The following PGPEP1 variants were observed in gnomAD, a reference collection of about 807,000 sequenced individuals.
PGPEP1 encodes the protein pyroglutamyl-peptidase I.
PGPEP1 carries 15 observed loss-of-function variants against 24.1 expected under a neutral mutation model. The ratio of observed to expected loss-of-function variants is 0.62; its 90% CI spans 0.42 to 0.96. PGPEP1 has a LOEUF of 0.96. Among genes scored for constraint, PGPEP1 ranks in the 40% least tolerant of loss-of-function variants. PGPEP1 has a pLI of 0.00. For missense variants in PGPEP1, 242 were observed against 273.4 expected (o/e 0.89, Z 0.81); for synonymous variants, 122 against 116.4 (o/e 1.05, Z -0.31).
In PGPEP1 at chr19:18,366,155, C is replaced by T. The variant is rs1418300801; in HGVS notation, c.*2572C>T. The T allele has an allele frequency of 6.6e-6, 1 of 152,176 alleles. No homozygotes were observed. 9.4% of individuals were successfully genotyped at this position (152,176 alleles called of 1,614,324 possible). On this transcript the variant is annotated 3_prime_UTR_variant, in exon 5 of 5. Coordinates refer to ENST00000269919, the MANE Select transcript of PGPEP1 (RefSeq NM_017712.4). ...ATTCCTCAAAGGTCTGGTCTGTGGG[C>T]CTCTGAGGAGAAAACAGGTCTAGCC...
intron 4 of PGPEP1, among the ~76,000 whole-genome samples, chr19:18,359,906 C>T (rs1971294447): frequency 6.6e-6 from 1 of 152,202 alleles, no homozygotes; most frequent in Non-Finnish European, 1.5e-5. Flanking sequence ...CCAGCACCAG[C>T]TTCCTCACTT....
At chr19:18,352,705 A>C (rs1971072661) in intron 2 of PGPEP1, among the ~76,000 whole-genome samples, 1 of 150,628 alleles carries the variant, frequency 6.6e-6, no homozygotes, top group African/African-American at 2.4e-5. Context: ...ACAGGTGCGC[A>C]CCATCACGCC....
intron 2 of PGPEP1, among the ~76,000 whole-genome samples, chr19:18,349,474 A>T (rs1202507724): frequency 6.6e-6 from 1 of 152,108 alleles, no homozygotes; most frequent in Non-Finnish European, 1.5e-5. Context: ...ATTTTTCTGA[A>T]TACAGCTTTC....
intron 4 of PGPEP1, chr19:18,357,991 T>G (rs1441675998): frequency 3.7e-6 from 1 of 272,544 alleles, no homozygotes; most frequent in African/African-American, 2.2e-5. Flanking sequence ...ATAACAGAAA[T>G]GTATTGTCTA....
Position 18,368,304 on chromosome 19 carries a change from T to G in PGPEP1, c.*4721T>G, listed in dbSNP as rs1971611452. Reference sequence around the variant, plus strand: ...AATACAAAAATTAGTCAAGAGTGGATGGTGCGTGCCTGTAATCCCAGCTAC... The same window carrying G: ...AATACAAAAATTAGTCAAGAGTGGAGGGTGCGTGCCTGTAATCCCAGCTAC... On this transcript the variant is annotated 3_prime_UTR_variant, in exon 5 of 5. Transcript: ENST00000269919. The G allele has an allele frequency of 6.6e-6, 1 of 151,970 alleles. No individual in the cohort carries two copies. Among genetic ancestry groups the G allele is most frequent in the Non-Finnish European group, 1.5e-5 (1 of 68,058 alleles). The allele number at this position is 151,970 out of a possible 1,614,324, so 9.4% of individuals were successfully genotyped here.
intron 4 of PGPEP1, 110 bp from the exon 5 acceptor site, chr19:18,363,281 G>A: frequency 1.3e-6 from 1 of 781,180 alleles, no homozygotes; most frequent in South Asian, 1.9e-5. Flanking sequence ...CTTGTGGGTT[G>A]CTGGTAAGGT....
chr19:18,355,834 A>T, intron 2 of PGPEP1, 61 bp from the exon 3 acceptor site: 1 of 1,014,760 alleles, frequency 9.9e-7, no homozygotes, highest in Non-Finnish European at 1.6e-6. Context: ...CCCCCCAGAG[A>T]GCGCATTATC....
chr19:18,352,212 C>A lies in PGPEP1; in HGVS notation c.88-3683C>A, dbSNP rs540062568. On this transcript the variant is annotated intron_variant, in intron 2 of 4. Coordinates refer to ENST00000269919, the MANE Select transcript of PGPEP1 (RefSeq NM_017712.4). ...GCGTGAACCCGGGAGGCGGAGCTTGCAGTGAGCCAAGATTGCGGCACGCCA... is the reference window on the plus strand; with the variant it reads ...GCGTGAACCCGGGAGGCGGAGCTTGAAGTGAGCCAAGATTGCGGCACGCCA... 1.5e-4 allele frequency among the ~76,000 whole-genome samples: 20 copies of A among 134,996 alleles called. No homozygotes were observed. The Admixed American group carries it at 1.5e-3, about 10-fold the overall frequency. 88.6% of individuals were successfully genotyped at this position (134,996 alleles called of 152,430 possible).
intron 4 of PGPEP1, chr19:18,358,065 C>T (rs1382062431): frequency 4.9e-6 from 1 of 203,400 alleles, no homozygotes; most frequent in Admixed American, 5.3e-5. Context: ...TCTGGAGGTG[C>T]TGAGGGTGAG....
Position 18,341,195 on chromosome 19 carries a change from C to T in PGPEP1, c.34+480C>T, listed in dbSNP as rs184586787. On this transcript the variant is annotated intron_variant, in intron 1 of 4. Coordinates refer to ENST00000269919, the MANE Select transcript of PGPEP1 (RefSeq NM_017712.4). ...AACCTCCCAGTCACTGCTCGCCGCG[C>T]CCTGCGCTCCTGGGGGGCTACTCTC... Among the ~76,000 whole-genome samples the T allele has an allele frequency of 5.8e-3, 890 of 152,280 alleles. 11 individuals are homozygous for T. The highest frequency in any genetic ancestry group is 0.02 in the African/African-American group (817 of 41,568).
chr19:18,366,307 A>G lies in PGPEP1; in HGVS notation c.*2724A>G, dbSNP rs1171065473. 1 of 152,170 alleles carries G rather than the reference A, an allele frequency of 6.6e-6. No homozygotes were observed. Among genetic ancestry groups the G allele is most frequent in the Non-Finnish European group, 1.5e-5 (1 of 68,054 alleles). 9.4% of individuals were successfully genotyped at this position (152,170 alleles called of 1,614,324 possible). On this transcript the variant is annotated 3_prime_UTR_variant, in exon 5 of 5. Transcript: ENST00000269919. The stretch of plus-strand genomic sequence containing the variant: ...CTCTGTGTTTAAAGCACTGTGTGAC[A>G]TAGCTCCTTAGAGATATAACCTATT...
intron 1 of PGPEP1, among the ~76,000 whole-genome samples, chr19:18,341,650 T>G (rs901746531): frequency 1.4e-4 from 21 of 152,128 alleles, no homozygotes; most frequent in Non-Finnish European, 7.4e-5. Context: ...CTTCCAGCCT[T>G]CCTTTATCTG....
intron 4 of PGPEP1, among the ~76,000 whole-genome samples, chr19:18,360,576 G>C (rs1424296168): frequency 1.3e-5 from 2 of 151,922 alleles, no homozygotes; most frequent in African/African-American, 4.8e-5. Context: ...CCAGGCTGCA[G>C]TATTGTGGCA....
chr19:18,343,871 A>G (rs1455971043), intron 2 of PGPEP1, among the ~76,000 whole-genome samples: 1 of 151,658 alleles, frequency 6.6e-6, no homozygotes, highest in Non-Finnish European at 1.5e-5. Context: ...TTTAGTAGAG[A>G]TGGGGTTTCA....
At chr19:18,353,559 T>C (rs1396447822) in intron 2 of PGPEP1, among the ~76,000 whole-genome samples, 1 of 152,124 alleles carries the variant, frequency 6.6e-6, no homozygotes. Context: ...GTACACTCAC[T>C]GTGTTGCGCA....
rs138618903 is a variant in PGPEP1 at position 18,343,935 on chromosome 19, C to T, written c.87+1024C>T. 3.4e-3 allele frequency among the ~76,000 whole-genome samples: 512 copies of T among 152,098 alleles called. 1 individual carries two copies. Among genetic ancestry groups the T allele is most frequent in the African/African-American group, 8.7e-3 (363 of 41,506 alleles). ...CTGACTTCAGGTGATCCACCCACCTCGGCCTCCCAAAGTGCTGGGATTACA... is the reference window on the plus strand; with the variant it reads ...CTGACTTCAGGTGATCCACCCACCTTGGCCTCCCAAAGTGCTGGGATTACA... On this transcript the variant is annotated intron_variant, in intron 2 of 4. Coordinates refer to ENST00000269919, the MANE Select transcript of PGPEP1 (RefSeq NM_017712.4).
At chr19:18,362,116 C>T (rs576268682) in intron 4 of PGPEP1, among the ~76,000 whole-genome samples, 53 of 152,022 alleles carry the variant, frequency 3.5e-4, no homozygotes, top group African/African-American at 1.3e-3. Flanking sequence ...GATCTAAAAA[C>T]GGGAAATAGG....
In PGPEP1 at chr19:18,363,067, G is replaced by GTGTGTGTGTGTT. The variant is rs747177888; in HGVS notation, c.438-323_438-322insGTGTGTGTGTTT. 4.5e-3 allele frequency among the ~76,000 whole-genome samples: 659 copies of GTGTGTGTGTGTT among 146,806 alleles called. 5 individuals are homozygous for GTGTGTGTGTGTT. Among genetic ancestry groups the GTGTGTGTGTGTT allele is most frequent in the Non-Finnish European group, 8.0e-3 (530 of 66,422 alleles). On this transcript the variant is annotated intron_variant, in intron 4 of 4. Coordinates refer to ENST00000269919, the MANE Select transcript of PGPEP1 (RefSeq NM_017712.4). ...TGTGTGTGTGTGTGTGTGTGTGTGT[G>GTGTGTGTGTGTT]TTTTAAAGAGACAGGATCTCACTCT...
intron 2 of PGPEP1, among the ~76,000 whole-genome samples, chr19:18,345,373 C>T (rs1970801039): frequency 6.6e-6 from 1 of 152,076 alleles, no homozygotes; most frequent in Admixed American, 6.6e-5. Flanking sequence ...AAGATGCCAA[C>T]CTTCTTAGAT....
Sources: gnomAD v4.1 joint callset for allele counts (sites outside exome capture counted in the v4.1 genomes callset) on GRCh38, gnomAD v4.1.1 for gene constraint, MANE v1.5 for transcripts, NCBI Gene and HGNC (gene_info 2026-07-23, HGNC 2026-07-21) for gene names.